The following RYK variants were observed in gnomAD, a reference collection of about 807,000 sequenced individuals.
RYK encodes the protein inactive tyrosine-protein kinase RYK.
Under a neutral mutation model 70.2 loss-of-function variants are expected in RYK, and 21 were observed. The observed-to-expected ratio is 0.30, with a 90% CI of 0.21 to 0.43. The LOEUF (loss-of-function observed/expected upper bound fraction) is 0.43. RYK is among the 20% of genes least tolerant of loss of function. The probability of loss-of-function intolerance (pLI) is 1.00; values close to 1 mark genes in which losing one functional copy is unlikely to be tolerated. For missense variants in RYK, 604 were observed against 753.3 expected (o/e 0.80, Z 2.32); for synonymous variants, 267 against 278.0 (o/e 0.96, Z 0.39).
Position 134,236,135 on chromosome 3 carries a change from A to C in RYK, c.233-13596T>G, listed in dbSNP as rs79113152. On this transcript the variant is annotated intron_variant, in intron 1 of 14. Transcript: ENST00000623711. ...ATGAAAATTAGAGTCAGGGAAATAA[A>C]GTCACTGAGTATCATTTTGTAGAGG... Among the ~76,000 whole-genome samples the C allele has an allele frequency of 7.7e-3, 1,173 of 152,240 alleles. 6 individuals are homozygous for C. The highest frequency in any genetic ancestry group is 0.017 in the South Asian group (80 of 4,822).
At chr3:134,240,857 T>C (rs886913953) in intron 1 of RYK, among the ~76,000 whole-genome samples, 2 of 152,230 alleles carry the variant, frequency 1.3e-5, no homozygotes, top group Non-Finnish European at 2.9e-5. Context: ...TGCAGCTTCT[T>C]GGCTGAAAAG....
intron 10 of RYK, chr3:134,180,779 G>T (rs894907928): frequency 1.1e-4 from 17 of 152,190 alleles, no homozygotes; most frequent in African/African-American, 3.9e-4. Context: ...TTTATTCATT[G>T]TAACTAGGAC....
intron 1 of RYK, among the ~76,000 whole-genome samples, chr3:134,247,137 T>G (rs960872149): frequency 2.0e-5 from 3 of 152,152 alleles, no homozygotes; most frequent in African/African-American, 7.2e-5. Flanking sequence ...AAATCATAAG[T>G]CACTATTTAG....
intron 6 of RYK, among the ~76,000 whole-genome samples, chr3:134,198,927 G>C (rs754876550): frequency 2.6e-5 from 4 of 152,146 alleles, no homozygotes; most frequent in Non-Finnish European, 4.4e-5. Flanking sequence ...AACTGGAAGA[G>C]AAAAATTAAG....
Position 134,211,521 on chromosome 3 carries a change from T to G in RYK, c.441A>C (p.Pro147=). The change falls in exon 3 of 15, where the codon CCA becomes CCC. Residue 147 remains proline (P), a synonymous_variant. Coordinates refer to ENST00000623711, the MANE Select transcript of RYK (RefSeq NM_002958.4). ...ACTCTTACTTACCTGATAAAGTGCGTGGAACTTCCCCCTGAACAGAAATGT... is the reference window on the plus strand; with the variant it reads ...ACTCTTACTTACCTGATAAAGTGCGGGGAACTTCCCCCTGAACAGAAATGT... ...QVNISVQGEV[P]RTLSVFRVEL... 1 of 1,612,314 alleles carries G rather than the reference T, an allele frequency of 6.2e-7. No homozygotes were observed. The highest frequency in any genetic ancestry group is 1.1e-5 in the South Asian group (1 of 90,760).
intron 13 of RYK, among the ~76,000 whole-genome samples, chr3:134,167,968 A>G (rs1279261303): frequency 6.6e-6 from 1 of 152,252 alleles, no homozygotes; most frequent in Non-Finnish European, 1.5e-5. Flanking sequence ...AAGGATATGA[A>G]CAGATACTTC....
intron 6 of RYK, among the ~76,000 whole-genome samples, chr3:134,196,582 A>AACACACACACACACAC (rs57185535): frequency 4.9e-4 from 63 of 128,494 alleles, no homozygotes; most frequent in East Asian, 1.1e-3. Context: ...TCTGAAACAA[A>AACACACACACACACAC]ACACACACAC....
intron 13 of RYK, among the ~76,000 whole-genome samples, chr3:134,171,848 C>A (rs1386677013): frequency 6.7e-6 from 1 of 150,160 alleles, no homozygotes; most frequent in Non-Finnish European, 1.5e-5. Flanking sequence ...ACCTGGGCAA[C>A]AGAAGTAGCT....
chr3:134,207,397 C>T, intron 5 of RYK, 75 bp downstream of exon 5: 1 of 903,384 alleles, frequency 1.1e-6, no homozygotes, highest in Non-Finnish European at 1.6e-6. Flanking sequence ...CTCCAAGCTT[C>T]ATGCAATCAT....
In RYK at chr3:134,209,682, A is replaced by G. The variant is rs1316815736; in HGVS notation, c.589+13T>C. The stretch of plus-strand genomic sequence containing the variant: ...ATACATGTAAAACATATTTTGGTAA[A>G]TAAATTCCTTACTTTTGTAGCACAT... On this transcript the variant is annotated intron_variant, in intron 4 of 14. Coordinates refer to ENST00000623711, the MANE Select transcript of RYK (RefSeq NM_002958.4). 6.9e-7 allele frequency: 1 copy of G among 1,440,230 alleles called. No individual in the cohort carries two copies. Among genetic ancestry groups the G allele is most frequent in the East Asian group, 2.7e-5 (1 of 37,504 alleles). The allele number at this position is 1,440,230 out of a possible 1,614,324, so 89.2% of individuals were successfully genotyped here.
At chr3:134,193,778 T>C (rs571473737) in intron 7 of RYK, among the ~76,000 whole-genome samples, 17 of 152,346 alleles carry the variant, frequency 1.1e-4, no homozygotes, top group Non-Finnish European at 1.9e-4. Context: ...CACTGTCTTA[T>C]TGAAGAAACT....
At chr3:134,246,333 C>T (rs1211513508) in intron 1 of RYK, among the ~76,000 whole-genome samples, 1 of 144,686 alleles carries the variant, frequency 6.9e-6, no homozygotes, top group Non-Finnish European at 1.5e-5. Flanking sequence ...CACACACACA[C>T]ACACACACAC....
rs529957349 is a variant in RYK, at chr3:134,160,791, G to C, written c.1576-1418C>G. Among the ~76,000 whole-genome samples the C allele has an allele frequency of 1.4e-4, 22 of 152,288 alleles. No individual in the cohort carries two copies. The South Asian group carries it at 4.1e-3, about 29-fold the overall frequency. On this transcript the variant is annotated intron_variant, in intron 13 of 14. Transcript: ENST00000623711. Reference sequence around the variant, plus strand: ...AATCGCTTAAACCCGGGAGGCGGAGGTTGCGGTGAGCCGAGATCGCGCCAC... The same window carrying C: ...AATCGCTTAAACCCGGGAGGCGGAGCTTGCGGTGAGCCGAGATCGCGCCAC...
chr3:134,222,404 A>C lies in RYK; in HGVS notation c.354+14T>G. 16 of 1,612,338 alleles carry C rather than the reference A, an allele frequency of 9.9e-6. No homozygotes were observed. Among genetic ancestry groups the C allele is most frequent in the Non-Finnish European group, 1.4e-5 (16 of 1,179,608 alleles). ...TGACCCTGTCATGATGTCTGTGGTT[A>C]GCCACTCTCTTACCTTGGACTTCGC... is the stretch of plus-strand genomic sequence containing the variant. On this transcript the variant is annotated intron_variant, in intron 2 of 14. Transcript: ENST00000623711.
chr3:134,213,142 C>T (rs188476439), intron 2 of RYK, among the ~76,000 whole-genome samples: 14 of 152,278 alleles, frequency 9.2e-5, no homozygotes, highest in African/African-American at 3.1e-4. Context: ...TGAGCAAGCT[C>T]TCCAGCAATA....
chr3:134,250,102 A>G (rs1040293923), intron 1 of RYK, among the ~76,000 whole-genome samples: 1 of 151,984 alleles, frequency 6.6e-6, no homozygotes, highest in East Asian at 1.9e-4. Flanking sequence ...TGCAGCAAGG[A>G]AAAAAAGTTG....
At chr3:134,237,363 C>T (rs570980092) in intron 1 of RYK, among the ~76,000 whole-genome samples, 1 of 152,254 alleles carries the variant, frequency 6.6e-6, no homozygotes, top group East Asian at 1.9e-4. Flanking sequence ...TTCAAATGTC[C>T]ATCTTCCTAT....
chr3:134,229,662 G>C (rs1251020317), intron 1 of RYK, among the ~76,000 whole-genome samples: 1 of 151,966 alleles, frequency 6.6e-6, no homozygotes, highest in Non-Finnish European at 1.5e-5. Context: ...TGGGGGAAGG[G>C]AGAGATGTTG....
intron 2 of RYK, among the ~76,000 whole-genome samples, chr3:134,214,730 C>T (rs898289153): frequency 1.3e-5 from 2 of 152,174 alleles, no homozygotes; most frequent in African/African-American, 4.8e-5. Context: ...TCTTTTCCCT[C>T]GTCTTATTCC....
Sources: allele counts gnomAD v4.1 joint callset (sites outside exome capture counted in the v4.1 genomes callset), GRCh38; gene constraint gnomAD v4.1.1; transcripts MANE v1.5; gene names NCBI Gene and HGNC (gene_info 2026-07-23, HGNC 2026-07-21).